The following CFAP300 variants were observed in gnomAD, a reference collection of about 807,000 sequenced individuals.
CFAP300 encodes the protein cilia and flagella associated protein 300, also known as cilia- and flagella-associated protein 300.
In CFAP300, 32 loss-of-function variants were observed where a neutral mutation model predicts 33.0. The observed-to-expected ratio is 0.97, with a 90% CI of 0.73 to 1.30. The LOEUF is 1.30. CFAP300 is among the 50% of genes most tolerant of loss of function. The pLI is 0.00. For synonymous variants in CFAP300, 102 were observed against 106.8 expected (o/e 0.95, Z 0.28); for missense variants, 356 against 318.1 (o/e 1.12, Z -0.90).
intron 2 of CFAP300, among the ~76,000 whole-genome samples, chr11:102,053,669 C>T (rs1057179436): frequency 6.6e-6 from 1 of 152,182 alleles, no homozygotes; most frequent in African/African-American, 2.4e-5. Context: ...CACTTGAAGC[C>T]AGGAGTCTGA....
intron 2 of CFAP300, among the ~76,000 whole-genome samples, chr11:102,053,123 G>A (rs1941996047): frequency 6.6e-6 from 1 of 152,156 alleles, no homozygotes; most frequent in Non-Finnish European, 1.5e-5. Flanking sequence ...CAGCTACTCA[G>A]GAGGCTGAGG....
chr11:102,084,257 T>C lies in CFAP300; in HGVS notation c.*1058T>C, dbSNP rs547098635. The C allele has an allele frequency of 7.9e-5, 12 of 152,326 alleles. No individual in the cohort carries two copies. Among genetic ancestry groups the C allele is most frequent in the African/African-American group, 2.6e-4 (11 of 41,578 alleles). 9.4% of individuals were successfully genotyped at this position (152,326 alleles called of 1,614,324 possible). On this transcript the variant is annotated 3_prime_UTR_variant, in exon 7 of 7. Transcript: ENST00000434758. The stretch of plus-strand genomic sequence containing the variant: ...ATTTTGATGGCAAAAATCATTGACA[T>C]ATATCCCATGGGTCATGGGAAGCCT...
chr11:102,071,980 T>C (rs1942319487), intron 4 of CFAP300, among the ~76,000 whole-genome samples: 1 of 152,206 alleles, frequency 6.6e-6, no homozygotes, highest in South Asian at 2.1e-4. Context: ...TGGGTTGTAC[T>C]TATTTGGGGA....
intron 3 of CFAP300, among the ~76,000 whole-genome samples, chr11:102,059,493 A>G (rs1591317477): frequency 6.6e-6 from 1 of 152,040 alleles, no homozygotes; most frequent in South Asian, 2.1e-4. Flanking sequence ...TACTAAAAAT[A>G]CAAAAATTAG....
intron 4 of CFAP300, among the ~76,000 whole-genome samples, chr11:102,069,567 C>A (rs1389858288): frequency 6.6e-6 from 1 of 152,100 alleles, no homozygotes; most frequent in Admixed American, 6.6e-5. Flanking sequence ...CTTTGGGAGG[C>A]AGAGGCGGGT....
In CFAP300 at chr11:102,047,456, C is replaced by T. The variant is rs1425912936; in HGVS notation, c.-15C>T. On this transcript the variant is annotated 5_prime_UTR_variant, in exon 1 of 7. Coordinates refer to ENST00000434758, the MANE Select transcript of CFAP300 (RefSeq NM_032930.3). ...CCATGGAAACGGCCCAGGCATCCACCCAGCCGAGAGCACGATGGCTACTGG... is the reference window on the plus strand; with the variant it reads ...CCATGGAAACGGCCCAGGCATCCACTCAGCCGAGAGCACGATGGCTACTGG... 6.5e-7 allele frequency: 1 copy of T among 1,533,592 alleles called. No homozygotes were observed. The highest frequency in any genetic ancestry group is 8.7e-7 in the Non-Finnish European group (1 of 1,144,672). 95.0% of individuals were successfully genotyped at this position (1,533,592 alleles called of 1,614,324 possible).
At chr11:102,070,204 G>A (rs542600127) in intron 4 of CFAP300, among the ~76,000 whole-genome samples, 34 of 152,284 alleles carry the variant, frequency 2.2e-4, no homozygotes, top group African/African-American at 7.9e-4. Context: ...CACCCAGAGA[G>A]CAATTAAGTA....
At chr11:102,049,669 T>C (rs1941939627) in intron 2 of CFAP300, among the ~76,000 whole-genome samples, 1 of 152,176 alleles carries the variant, frequency 6.6e-6, no homozygotes, top group Middle Eastern at 3.2e-3. Flanking sequence ...TCTATAATTT[T>C]TTTTAAAGAT....
chr11:102,053,082 AGGTGGCCATG>A (rs1941995288), intron 2 of CFAP300, among the ~76,000 whole-genome samples: 1 of 151,664 alleles, frequency 6.6e-6, no homozygotes, highest in Non-Finnish European at 1.5e-5. Context: ...CACAAAAATT[AGGTGGCCATG>A]GTGGCAGGTG....
chr11:102,063,362 C>A lies in CFAP300; in HGVS notation c.269-3123C>A, dbSNP rs75396491. Among the ~76,000 whole-genome samples the A allele has an allele frequency of 6.0e-3, 920 of 152,336 alleles. 7 individuals are homozygous for A. The highest frequency in any genetic ancestry group is 0.014 in the Middle Eastern group (4 of 294). ...CCCTTTTGGAATGGAAATGACTAGC[C>A]TATGTCTGTCCCACCTATGTATTTT... On this transcript the variant is annotated intron_variant, in intron 3 of 6. Coordinates refer to ENST00000434758, the MANE Select transcript of CFAP300 (RefSeq NM_032930.3).
intron 2 of CFAP300, among the ~76,000 whole-genome samples, chr11:102,049,075 A>G (rs1003444729): frequency 6.6e-6 from 1 of 152,240 alleles, no homozygotes; most frequent in African/African-American, 2.4e-5. Flanking sequence ...TCATATAGTG[A>G]TAAGGGCAGT....
At chr11:102,056,912 A>C (rs1363094907) in intron 2 of CFAP300, among the ~76,000 whole-genome samples, 1 of 151,520 alleles carries the variant, frequency 6.6e-6, no homozygotes, top group African/African-American at 2.4e-5. Flanking sequence ...GGCCTGAGCC[A>C]CCGCACCTGG....
intron 2 of CFAP300, among the ~76,000 whole-genome samples, chr11:102,051,349 C>A (rs1393931020): frequency 6.6e-6 from 1 of 152,110 alleles, no homozygotes; most frequent in African/African-American, 2.4e-5. Flanking sequence ...TAAACAACTT[C>A]AAGGAAGCGC....
Position 102,064,370 on chromosome 11 carries a change from A to G in CFAP300, c.269-2115A>G, listed in dbSNP as rs543904793. ...TTTTTTTGGACTTTCAACATCACCT[A>G]GAACTCCTCTTATCATTTCCTATGG... On this transcript the variant is annotated intron_variant, in intron 3 of 6. Coordinates refer to ENST00000434758, the MANE Select transcript of CFAP300 (RefSeq NM_032930.3). 2.6e-5 allele frequency among the ~76,000 whole-genome samples: 4 copies of G among 152,276 alleles called. No individual in the cohort carries two copies. The East Asian group carries it at 5.8e-4, about 22-fold the overall frequency.
Position 102,083,507 on chromosome 11 carries a change from C to T in CFAP300, c.*308C>T, listed in dbSNP as rs957716490. 1.2e-5 allele frequency: 2 copies of T among 172,352 alleles called. No individual in the cohort carries two copies. Among genetic ancestry groups the T allele is most frequent in the Non-Finnish European group, 2.5e-5 (2 of 81,618 alleles). 10.7% of individuals were successfully genotyped at this position (172,352 alleles called of 1,614,324 possible). A position where few individuals can be genotyped will look rare whatever the true frequency, so the allele number is the denominator to read the frequency against. On this transcript the variant is annotated 3_prime_UTR_variant, in exon 7 of 7. Coordinates refer to ENST00000434758, the MANE Select transcript of CFAP300 (RefSeq NM_032930.3). ...TGATTCAAGTGAATCCTCAATTTTC[C>T]ATGTATTTTAATTTATAAGCTAATT...
chr11:102,081,512 T>G (rs1942472449), intron 6 of CFAP300: 1 of 559,696 alleles, frequency 1.8e-6, no homozygotes, highest in Admixed American at 3.3e-5. Context: ...ATTGCCTACT[T>G]ATTTTAGAGC....
intron 2 of CFAP300, among the ~76,000 whole-genome samples, chr11:102,050,182 G>A (rs1359988143): frequency 6.6e-6 from 1 of 152,102 alleles, no homozygotes; most frequent in Admixed American, 6.5e-5. Context: ...TATAGCAGTA[G>A]TGACTCCAGT....
At chr11:102,063,268 A>T (rs78829391) in intron 3 of CFAP300, among the ~76,000 whole-genome samples, 1 of 152,362 alleles carries the variant, frequency 6.6e-6, no homozygotes, top group African/African-American at 2.4e-5. Context: ...TTTAAGATCT[A>T]AAGGAATTTG....
At position 102,076,140 on chromosome 11, in the gene CFAP300, A is replaced by G. The variant is rs1591326636; in HGVS notation, c.608+95A>G. 2.9e-6 allele frequency: 4 copies of G among 1,356,854 alleles called. No individual in the cohort carries two copies. In the East Asian group the frequency reaches 7.6e-5, roughly 26 times the overall value. 84.1% of individuals were successfully genotyped at this position (1,356,854 alleles called of 1,614,324 possible). On this transcript the variant is annotated intron_variant, in intron 5 of 6. Coordinates refer to ENST00000434758, the MANE Select transcript of CFAP300 (RefSeq NM_032930.3). The stretch of plus-strand genomic sequence containing the variant: ...AATTACACAACATCATTCAGTGGTT[A>G]TATTAACAACCAAAGCATATAAAAA...
Sources: gnomAD v4.1 joint callset for allele counts (sites outside exome capture counted in the v4.1 genomes callset) on GRCh38, gnomAD v4.1.1 for gene constraint, MANE v1.5 for transcripts, NCBI Gene and HGNC (gene_info 2026-07-23, HGNC 2026-07-21) for gene names.